The following EPN2 variants were observed in gnomAD, a reference collection of about 807,000 sequenced individuals.
EPN2 encodes the protein epsin-2.
EPN2 carries 34 observed loss-of-function variants against 61.7 expected under a neutral mutation model. The ratio of observed to expected loss-of-function variants is 0.55; its 90% CI spans 0.42 to 0.73. The LOEUF (loss-of-function observed/expected upper bound fraction) is 0.73. Among genes scored for constraint, EPN2 ranks in the 30% least tolerant of loss-of-function variants. The pLI, the probability that EPN2 is intolerant of heterozygous loss-of-function variation, is 0.00. For missense variants in EPN2, 714 were observed against 839.2 expected (o/e 0.85, Z 1.84); for synonymous variants, 349 against 353.6 (o/e 0.99, Z 0.15).
At chr17:19,320,777 C>G (rs1053234573) in intron 7 of EPN2, among the ~76,000 whole-genome samples, 1 of 152,200 alleles carries the variant, frequency 6.6e-6, no homozygotes, top group Non-Finnish European at 1.5e-5. Flanking sequence ...GGTTGTGTTT[C>G]TGAGCCCCTG....
intron 1 of EPN2, among the ~76,000 whole-genome samples, chr17:19,242,095 A>G (rs572578113): frequency 2.0e-5 from 3 of 147,110 alleles, no homozygotes; most frequent in Non-Finnish European, 4.4e-5. Context: ...TTAATGGATC[A>G]TTTTAGCTGA....
chr17:19,256,304 A>G (rs1269891579), intron 1 of EPN2, among the ~76,000 whole-genome samples: 1 of 151,126 alleles, frequency 6.6e-6, no homozygotes, highest in Non-Finnish European at 1.5e-5. Context: ...ATTCTCCAAA[A>G]GCTGGGCGTG....
intron 1 of EPN2, chr17:19,274,129 G>C (rs182217286): frequency 6.6e-6 from 1 of 152,290 alleles, no homozygotes; most frequent in Non-Finnish European, 1.5e-5. Flanking sequence ...GCGGAGTATT[G>C]CACACATTCA....
chr17:19,307,785 C>A, intron 4 of EPN2: 1 of 439,204 alleles, frequency 2.3e-6, no homozygotes, highest in Non-Finnish European at 3.0e-6. Flanking sequence ...TGCCCAGAAG[C>A]AGCCTCTTTC....
chr17:19,298,991 C>T (rs2152225344), intron 4 of EPN2, among the ~76,000 whole-genome samples: 1 of 151,974 alleles, frequency 6.6e-6, no homozygotes, highest in South Asian at 2.1e-4. Flanking sequence ...ATGTGGAATT[C>T]CCAGAAGTGA....
chr17:19,303,524 C>T (rs973804713), intron 4 of EPN2, among the ~76,000 whole-genome samples: 1 of 152,214 alleles, frequency 6.6e-6, no homozygotes, highest in African/African-American at 2.4e-5. Flanking sequence ...CCCTGAGCTT[C>T]CTGAGAACCG....
At chr17:19,327,660 A>G (rs774443116) in intron 7 of EPN2, among the ~76,000 whole-genome samples, 1 of 152,224 alleles carries the variant, frequency 6.6e-6, no homozygotes, top group African/African-American at 2.4e-5. Context: ...TGACAGAGTG[A>G]GACCCTATCT....
intron 1 of EPN2, chr17:19,276,631 C>T (rs1174921156): frequency 6.6e-6 from 1 of 152,068 alleles, no homozygotes; most frequent in Non-Finnish European, 1.5e-5. Flanking sequence ...CAGAATTGTA[C>T]AAGTTCATGT....
intron 7 of EPN2, among the ~76,000 whole-genome samples, chr17:19,323,803 G>A (rs1256279789): frequency 1.3e-5 from 2 of 152,220 alleles, no homozygotes; most frequent in Non-Finnish European, 2.9e-5. Flanking sequence ...TCTGTATTCA[G>A]TGAAAGTGTT....
chr17:19,292,043 A>G (rs2045470759), intron 4 of EPN2, among the ~76,000 whole-genome samples: 2 of 152,210 alleles, frequency 1.3e-5, no homozygotes, highest in African/African-American at 2.4e-5. Flanking sequence ...GGAGTCCTAC[A>G]TGGGTCTACT....
chr17:19,278,724 C>T (rs1045807551), intron 1 of EPN2, among the ~76,000 whole-genome samples: 1 of 152,246 alleles, frequency 6.6e-6, no homozygotes, highest in Non-Finnish European at 1.5e-5. Flanking sequence ...TCTCAGCTCA[C>T]TCCAACCTCT....
chr17:19,239,221 C>T (rs1392663317), intron 1 of EPN2, among the ~76,000 whole-genome samples: 1 of 152,262 alleles, frequency 6.6e-6, no homozygotes. Context: ...GATCTCGGCT[C>T]ACCGAAACCT....
At position 19,309,897 on chromosome 17, in the gene EPN2, G is replaced by T. The variant is rs377333169; in HGVS notation, c.779G>T (p.Arg260Leu). Residue 260 changes from arginine to leucine, a missense_variant, in exon 5 of 11, where the codon CGA becomes CTA. Around this residue, in one of 2 missense-constraint regions of EPN2, gnomAD observed 304 missense variants for 417.4 expected, o/e 0.73. Coordinates refer to ENST00000314728, the MANE Select transcript of EPN2 (RefSeq NM_014964.5). ...TCTTCCCCAACAGCCACCTCCCCGC[G>T]AGTGTCCTCCGAGCTGGAGCAAGCC... ...CDRAARATSPRVSSELEQARP... is the reference protein window; with the variant it reads ...CDRAARATSPLVSSELEQARP... 2 of 1,607,588 alleles carry T rather than the reference G, an allele frequency of 1.2e-6. No homozygotes were observed. Among genetic ancestry groups the T allele is most frequent in the East Asian group, 2.2e-5 (1 of 44,878 alleles).
At chr17:19,246,767 C>CT (rs377094702) in intron 1 of EPN2, among the ~76,000 whole-genome samples, 17,056 of 109,548 alleles carry the variant, frequency 0.16, 2,452 homozygotes, top group East Asian at 0.58. Flanking sequence ...CCCTGTGTGC[C>CT]TTTTTTTTTT....
chr17:19,240,884 A>G (rs567585321), intron 1 of EPN2, among the ~76,000 whole-genome samples: 2 of 152,310 alleles, frequency 1.3e-5, no homozygotes, highest in African/African-American at 4.8e-5. Context: ...GTTTGTCACC[A>G]GTATTCCTCG....
intron 1 of EPN2, among the ~76,000 whole-genome samples, chr17:19,261,383 G>A (rs1010901452): frequency 2.6e-5 from 4 of 152,202 alleles, no homozygotes; most frequent in African/African-American, 7.2e-5. Flanking sequence ...ACCATTTATA[G>A]TTTTCTGTGG....
At chr17:19,301,833 C>G (rs1047684286) in intron 4 of EPN2, among the ~76,000 whole-genome samples, 10 of 152,248 alleles carry the variant, frequency 6.6e-5, no homozygotes, top group African/African-American at 2.2e-4. Context: ...ATGGTCTCTC[C>G]TTACTAGAAC....
intron 9 of EPN2, among the ~76,000 whole-genome samples, 157 bp from the exon 10 acceptor site, chr17:19,331,696 A>C (rs1218351378): frequency 6.6e-6 from 1 of 152,118 alleles, no homozygotes; most frequent in East Asian, 1.9e-4. Context: ...CGTTATGTGG[A>C]CACTTGATTT....
chr17:19,310,663 C>T (rs1218876218), intron 5 of EPN2, among the ~76,000 whole-genome samples: 9 of 142,502 alleles, frequency 6.3e-5, no homozygotes, highest in Admixed American at 2.2e-4. Flanking sequence ...CTGAGACCTC[C>T]GCGTCCTGGG....
Sources: gnomAD v4.1 joint callset for allele counts (sites outside exome capture counted in the v4.1 genomes callset) on GRCh38, gnomAD v4.1.1 for gene constraint, gnomAD v4.1.1 regional missense constraint, MANE v1.5 for transcripts, NCBI Gene and HGNC (gene_info 2026-07-23, HGNC 2026-07-21) for gene names.